The following SOHLH2 variants were observed in gnomAD, a reference collection of about 807,000 sequenced individuals.
SOHLH2 encodes the protein spermatogenesis- and oogenesis-specific basic helix-loop-helix-containing protein 2.
A neutral mutation model predicts 50.4 loss-of-function variants in SOHLH2; 22 were observed. The ratio of observed to expected loss-of-function variants is 0.44; its 90% CI spans 0.31 to 0.62. SOHLH2 has a LOEUF of 0.62. SOHLH2 is among the 20% of genes least tolerant of loss of function. The probability of loss-of-function intolerance (pLI) is 0.08; values close to 1 mark genes in which losing one functional copy is unlikely to be tolerated. For synonymous variants in SOHLH2, 185 were observed against 187.3 expected, an observed-to-expected ratio of 0.99 and a Z score of 0.10; for missense variants, 412 against 504.4, an observed-to-expected ratio of 0.82 and a Z score of 1.76.
At chr13:36,198,624 T>C (rs1887805426) in intron 2 of SOHLH2, among the ~76,000 whole-genome samples, 1 of 152,242 alleles carries the variant, frequency 6.6e-6, no homozygotes, top group South Asian at 2.1e-4. Flanking sequence ...TGTAAAGTAC[T>C]GATATTTTAT....
In SOHLH2 at chr13:36,202,080, A is replaced by T; in HGVS notation, c.62T>A (p.Ile21Asn). The T allele has an allele frequency of 6.2e-7, 1 of 1,614,170 alleles. No homozygotes were observed. Among genetic ancestry groups the T allele is most frequent in the Non-Finnish European group, 8.5e-7 (1 of 1,180,038 alleles). ...CQISGQAKID[I>N]LLVGDVTVGY... ...CACAGTGACATCTCCAACTAATAAG[A>T]TGTCTATTTTTGCCTGAAAGAGAAG... Residue 21 changes from isoleucine to asparagine, a missense_variant, in exon 2 of 11, where the codon ATC (isoleucine) becomes AAC (asparagine). Coordinates refer to ENST00000379881, the MANE Select transcript of SOHLH2 (RefSeq NM_017826.3).
At position 36,187,092 on chromosome 13, in the gene SOHLH2, T is replaced by C. The variant is rs573197244; in HGVS notation, c.641+2854A>G. Among the ~76,000 whole-genome samples, 3 of 152,264 alleles carry C rather than the reference T, an allele frequency of 2.0e-5. No homozygotes were observed. The East Asian group carries it at 5.8e-4, about 29-fold the overall frequency. On this transcript the variant is annotated intron_variant, in intron 6 of 10. Coordinates refer to ENST00000379881, the MANE Select transcript of SOHLH2 (RefSeq NM_017826.3). ...GAAAGGGGGAGGTCCTTGTCACAGC[T>C]CTTCTTTTTGAGAAACAAAGATTTC...
Position 36,214,556 on chromosome 13 carries a change from C to T in SOHLH2, c.-30G>A. The T allele has an allele frequency of 6.2e-7, 1 of 1,605,034 alleles. No homozygotes were observed. The highest frequency in any genetic ancestry group is 2.2e-5 in the East Asian group (1 of 44,652). Reference sequence around the variant, plus strand: ...GCTGCGCACGTGCTGGGTCCTGGGGCAGCCTCCCAGCAGGAGGAGCTCCAC... The same window carrying T: ...GCTGCGCACGTGCTGGGTCCTGGGGTAGCCTCCCAGCAGGAGGAGCTCCAC... On this transcript the variant is annotated 5_prime_UTR_variant, in exon 1 of 11. Coordinates refer to ENST00000379881, the MANE Select transcript of SOHLH2 (RefSeq NM_017826.3).
chr13:36,204,767 A>T (rs1868654528), intron 1 of SOHLH2, among the ~76,000 whole-genome samples: 1 of 152,096 alleles, frequency 6.6e-6, no homozygotes, highest in Non-Finnish European at 1.5e-5. Flanking sequence ...TTTTCCAACA[A>T]TTTCTCTTCC....
chr13:36,196,097 A>AAGATAGATAGATAGATAGATAGATAGAT (rs35207535), intron 2 of SOHLH2, among the ~76,000 whole-genome samples: 14 of 145,656 alleles, frequency 9.6e-5, no homozygotes, highest in African/African-American at 3.6e-4. Flanking sequence ...GACAGACAGA[A>AAGATAGATAGATAGATAGATAGATAGAT]AGATAGATAG....
chr13:36,211,356 C>A (rs929115782), intron 1 of SOHLH2, among the ~76,000 whole-genome samples: 6 of 152,140 alleles, frequency 3.9e-5, no homozygotes, highest in African/African-American at 1.4e-4. Flanking sequence ...CTTAAATATG[C>A]TTGATGTTTA....
intron 9 of SOHLH2, 60 bp from the exon 10 acceptor site, chr13:36,170,847 CTG>C: frequency 6.4e-7 from 1 of 1,569,660 alleles, no homozygotes; most frequent in Admixed American, 1.8e-5. Flanking sequence ...TTCAGAACGA[CTG>C]TTATTCGACA....
chr13:36,170,755 C>A lies in SOHLH2; in HGVS notation c.1033G>T (p.Gly345Cys), dbSNP rs955087162. ...GAAATGTGAGTTTTATATGGATCAC[C>A]AATAGCATTCTCTGAGGCGGAGCTT... ...PSSSASENAIGDPYKTHISSA... is the reference protein window; with the variant it reads ...PSSSASENAICDPYKTHISSA... Residue 345 changes from glycine to cysteine, a missense_variant, in exon 10 of 11, where the codon GGT (glycine) becomes TGT (cysteine). Gly to Cys is a radical substitution (Grantham distance 159). Coordinates refer to ENST00000379881, the MANE Select transcript of SOHLH2 (RefSeq NM_017826.3). 41 of 1,613,834 alleles carry A rather than the reference C, an allele frequency of 2.5e-5. No individual in the cohort carries two copies. The highest frequency in any genetic ancestry group is 3.3e-5 in the Non-Finnish European group (39 of 1,179,874).
chr13:36,204,243 GC>G (rs1339182232), intron 1 of SOHLH2, among the ~76,000 whole-genome samples: 1 of 152,012 alleles, frequency 6.6e-6, no homozygotes, highest in Non-Finnish European at 1.5e-5. Context: ...GAGCCACCGT[GC>G]CCAGCCCTTT....
chr13:36,172,206 G>A (rs769355039), intron 9 of SOHLH2, among the ~76,000 whole-genome samples: 2 of 152,104 alleles, frequency 1.3e-5, no homozygotes, highest in African/African-American at 2.4e-5. Context: ...TCGCTGCCAC[G>A]AAAATAATGT....
At chr13:36,189,416 A>T (rs1887514023) in intron 6 of SOHLH2, among the ~76,000 whole-genome samples, 1 of 152,162 alleles carries the variant, frequency 6.6e-6, no homozygotes, top group Non-Finnish European at 1.5e-5. Flanking sequence ...CCATATGGAC[A>T]TACATGCAGT....
chr13:36,211,455 T>A (rs1176271353), intron 1 of SOHLH2, among the ~76,000 whole-genome samples: 3 of 152,344 alleles, frequency 2.0e-5, no homozygotes, highest in African/African-American at 7.2e-5. Flanking sequence ...CAAGACAAGG[T>A]CCTTGCCCTC....
chr13:36,192,024 A>T (rs1887588609), intron 4 of SOHLH2, 130 bp from the exon 5 acceptor site: 3 of 1,037,372 alleles, frequency 2.9e-6, no homozygotes, highest in Non-Finnish European at 4.2e-6. Context: ...CAGTATTTTT[A>T]AAACTGAAAG....
chr13:36,188,209 C>T (rs1887477534), intron 6 of SOHLH2, among the ~76,000 whole-genome samples: 1 of 152,174 alleles, frequency 6.6e-6, no homozygotes, highest in Admixed American at 6.5e-5. Flanking sequence ...GTCATGTAGG[C>T]AGAAGAATTG....
chr13:36,173,812 T>C lies in SOHLH2; in HGVS notation c.882-2A>G, dbSNP rs765794862. The C allele has an allele frequency of 6.2e-7, 1 of 1,613,912 alleles. No homozygotes were observed. Among genetic ancestry groups the C allele is most frequent in the South Asian group, 1.1e-5 (1 of 91,048 alleles). On this transcript the variant is annotated splice_acceptor_variant, in intron 8 of 10. Coordinates refer to ENST00000379881, the MANE Select transcript of SOHLH2 (RefSeq NM_017826.3). LOFTEE classifies it high-confidence loss of function. ...TAAGTGCTCATCACACTGTTTTCCCTTGAAAGGACAGAAAAAATTATTTGC... is the reference window on the plus strand; with the variant it reads ...TAAGTGCTCATCACACTGTTTTCCCCTGAAAGGACAGAAAAAATTATTTGC...
intron 1 of SOHLH2, among the ~76,000 whole-genome samples, chr13:36,206,440 T>C (rs80145803): frequency 0.11 from 16,453 of 152,090 alleles, 964 homozygotes; most frequent in Non-Finnish European, 0.13. Flanking sequence ...TAAATACCTA[T>C]ATAAAGGTGT....
intron 4 of SOHLH2, among the ~76,000 whole-genome samples, chr13:36,193,219 A>T (rs1374558645): frequency 1.3e-5 from 2 of 152,252 alleles, no homozygotes; most frequent in Non-Finnish European, 2.9e-5. Flanking sequence ...TATTAACTTT[A>T]AGAAGTAAAA....
intron 6 of SOHLH2, among the ~76,000 whole-genome samples, chr13:36,184,366 A>C (rs1315057361): frequency 6.6e-6 from 1 of 152,076 alleles, no homozygotes; most frequent in Admixed American, 6.5e-5. Context: ...CTTAGAGAAA[A>C]ACTTTTATAA....
chr13:36,199,900 T>C (rs888373926), intron 2 of SOHLH2, among the ~76,000 whole-genome samples: 11 of 152,238 alleles, frequency 7.2e-5, no homozygotes, highest in African/African-American at 2.7e-4. Flanking sequence ...ACCAGCCATA[T>C]TGAATTGTCT....
Sources: gnomAD v4.1 joint callset for allele counts (sites outside exome capture counted in the v4.1 genomes callset) on GRCh38, gnomAD v4.1.1 for gene constraint, MANE v1.5 for transcripts, NCBI Gene and HGNC (gene_info 2026-07-23, HGNC 2026-07-21) for gene names.